The following KLF8 variants were observed in gnomAD, a reference collection of about 807,000 sequenced individuals.
KLF8 encodes Krueppel-like factor 8.
A neutral mutation model predicts 18.2 loss-of-function variants in KLF8; 10 were observed. The ratio of observed to expected loss-of-function variants is 0.55; its 90% CI spans 0.34 to 0.93. KLF8 has a LOEUF of 0.93. Among genes scored for constraint, KLF8 ranks in the 40% least tolerant of loss-of-function variants. The pLI, the probability that KLF8 is intolerant of heterozygous loss-of-function variation, is 0.02. For synonymous variants in KLF8, 109 were observed against 97.3 expected, an observed-to-expected ratio of 1.12 and a Z score of -0.71; for missense variants, 264 against 277.9, an observed-to-expected ratio of 0.95 and a Z score of 0.36.
rs183727288 is a variant in KLF8, at chrX:56,285,730, T to C, written c.*1236T>C. The C allele has an allele frequency of 1.1e-4, 12 of 111,664 alleles. No individual in the cohort carries two copies. The highest frequency in any genetic ancestry group is 3.6e-4 in the African/African-American group (11 of 30,784). The allele number at this position is 111,664 out of a possible 1,213,427, so 9.2% of individuals were successfully genotyped here. A position where few individuals can be genotyped will look rare whatever the true frequency, so the allele number is the denominator to read the frequency against. On this transcript the variant is annotated 3_prime_UTR_variant, in exon 6 of 6. Transcript: ENST00000468660. Reference sequence around the variant, plus strand: ...TTAGCTGATAGCAGATTGCATAATATACTCATTTAGCTGCCCAATCAGATT... The same window carrying C: ...TTAGCTGATAGCAGATTGCATAATACACTCATTTAGCTGCCCAATCAGATT...
chrX:56,218,814 C>T, the KLF8 span, among the ~76,000 whole-genome samples: 1 of 111,873 alleles, frequency 8.9e-6, no homozygotes, highest in African/African-American at 3.3e-5. Flanking sequence ...TAGGCTCTCA[C>T]CTTGAGAAAG....
intron 5 of KLF8, among the ~76,000 whole-genome samples, chrX:56,279,216 C>T (rs192771053): frequency 9.0e-6 from 1 of 111,042 alleles, no homozygotes; most frequent in African/African-American, 3.3e-5. Flanking sequence ...TATGAAGGTC[C>T]TTTTTTGTGT....
At chrX:56,211,434 G>A in the KLF8 span, among the ~76,000 whole-genome samples, 1 of 112,539 alleles carries the variant, frequency 8.9e-6, no homozygotes, top group East Asian at 2.8e-4. Flanking sequence ...AGTGACACAA[G>A]AACCTCTGTG....
At chrX:56,136,405 GA>G in the KLF8 span, among the ~76,000 whole-genome samples, 2 of 110,797 alleles carry the variant, frequency 1.8e-5, no homozygotes, top group Admixed American at 1.9e-4. Context: ...CCAAAACAGA[GA>G]TATAGATCAA....
the KLF8 span, among the ~76,000 whole-genome samples, chrX:55,947,076 T>C: frequency 3.6e-5 from 4 of 111,589 alleles, no homozygotes; most frequent in Non-Finnish European, 5.7e-5. Context: ...GAAGTCAGTG[T>C]GGCGATTCCT....
chrX:55,996,742 G>A, the KLF8 span, among the ~76,000 whole-genome samples: 2 of 112,016 alleles, frequency 1.8e-5, no homozygotes, highest in Non-Finnish European at 3.8e-5. Flanking sequence ...TGCTGGAGGA[G>A]CTGAGGTGTT....
At chrX:55,984,713 A>C in the KLF8 span, among the ~76,000 whole-genome samples, 1 of 110,959 alleles carries the variant, frequency 9.0e-6, no homozygotes, top group Non-Finnish European at 1.9e-5. Context: ...TCTCTTCCAC[A>C]ATGGTTGAAC....
At chrX:56,130,537 C>T in the KLF8 span, among the ~76,000 whole-genome samples, 1 of 111,457 alleles carries the variant, frequency 9.0e-6, no homozygotes, top group East Asian at 2.8e-4. Flanking sequence ...CTGACATAGC[C>T]TACCCAAATG....
At chrX:56,035,271 A>C in the KLF8 span, among the ~76,000 whole-genome samples, 1 of 111,779 alleles carries the variant, frequency 8.9e-6, no homozygotes, top group Non-Finnish European at 1.9e-5. Context: ...CTCCAGTTCC[A>C]TCCACGTTGC....
chrX:56,025,146 CTG>C, the KLF8 span, among the ~76,000 whole-genome samples: 3 of 112,539 alleles, frequency 2.7e-5, no homozygotes, highest in African/African-American at 9.7e-5. Context: ...ATTTTAAAGA[CTG>C]TGCTACATGC....
the KLF8 span, among the ~76,000 whole-genome samples, chrX:56,182,543 G>A: frequency 2.7e-5 from 3 of 112,486 alleles, no homozygotes; most frequent in African/African-American, 9.7e-5. Flanking sequence ...TAGAAGAGGT[G>A]CTCTGATTTT....
the KLF8 span, among the ~76,000 whole-genome samples, chrX:56,029,602 G>A: frequency 6.2e-5 from 7 of 112,042 alleles, no homozygotes; most frequent in South Asian, 1.1e-3. Context: ...ATTTGAGCTC[G>A]ATCCCCTTCA....
the KLF8 span, among the ~76,000 whole-genome samples, chrX:56,136,794 A>T: frequency 9.0e-6 from 1 of 110,736 alleles, no homozygotes. Flanking sequence ...CAGCAAAAGA[A>T]ACTACCATCA....
At chrX:56,252,981 A>G (rs2066734181) in intron 2 of KLF8, among the ~76,000 whole-genome samples, 1 of 112,468 alleles carries the variant, frequency 8.9e-6, no homozygotes, top group Non-Finnish European at 1.9e-5. Context: ...GCACCTTTTC[A>G]TATACCTGTT....
At chrX:56,155,444 G>A in the KLF8 span, among the ~76,000 whole-genome samples, 5 of 110,287 alleles carry the variant, frequency 4.5e-5, no homozygotes, top group Non-Finnish European at 7.6e-5. Flanking sequence ...ATCACACACC[G>A]GGGCCTGTTG....
chrX:55,938,214 A>G, the KLF8 span, among the ~76,000 whole-genome samples: 1 of 112,134 alleles, frequency 8.9e-6, no homozygotes, highest in Non-Finnish European at 1.9e-5. Flanking sequence ...ATGGGGTGCC[A>G]ATATTCAACA....
At chrX:55,982,071 T>C in the KLF8 span, among the ~76,000 whole-genome samples, 4 of 110,654 alleles carry the variant, frequency 3.6e-5, no homozygotes, top group Admixed American at 3.9e-4. Flanking sequence ...TTGAGAATGA[T>C]AGTGACTCTA....
At chrX:55,937,524 G>T in the KLF8 span, among the ~76,000 whole-genome samples, 3 of 112,573 alleles carry the variant, frequency 2.7e-5, no homozygotes, top group Admixed American at 9.4e-5. Context: ...GCTGGACGGA[G>T]AATGACTTTG....
the KLF8 span, among the ~76,000 whole-genome samples, chrX:56,169,389 C>T: frequency 1.8e-5 from 2 of 111,282 alleles, no homozygotes; most frequent in African/African-American, 3.3e-5. Context: ...GGCAAGTTTG[C>T]TCTTGGGGTC....
Sources: gnomAD v4.1 joint callset for allele counts (sites outside exome capture counted in the v4.1 genomes callset) on GRCh38, gnomAD v4.1.1 for gene constraint, MANE v1.5 for transcripts, NCBI Gene and HGNC (gene_info 2026-07-23, HGNC 2026-07-21) for gene names.